IL1RN: variants seen among roughly 807,000 people sequenced by gnomAD.
IL1RN encodes interleukin-1 receptor antagonist protein.
A neutral mutation model predicts 13.7 loss-of-function variants in IL1RN; 10 were observed. That is an observed-to-expected ratio of 0.73 (90% CI 0.45 to 1.24). The LOEUF (loss-of-function observed/expected upper bound fraction) is 1.24. Among genes scored for constraint, IL1RN ranks in the 50% most tolerant of loss-of-function variants. The pLI, the probability that IL1RN is intolerant of heterozygous loss-of-function variation, is 0.00. For missense variants in IL1RN, 213 were observed against 222.1 expected (o/e 0.96, Z 0.26); for synonymous variants, 102 against 82.7 (o/e 1.23, Z -1.27).
chr2:113,130,154 C>T (rs1687109997), intron 2 of IL1RN: 1 of 177,664 alleles, frequency 5.6e-6, no homozygotes, highest in Non-Finnish European at 1.2e-5. Flanking sequence ...TCAGCTTTCC[C>T]TTCAGTGGGA....
chr2:113,099,999 G>T, the IL1RN span, among the ~76,000 whole-genome samples: 1 of 137,214 alleles, frequency 7.3e-6, no homozygotes, highest in African/African-American at 2.6e-5. Flanking sequence ...CTCCCAAAGT[G>T]CTGGGATTAC....
chr2:113,120,784 C>A (rs1242286256), intron 2 of IL1RN, among the ~76,000 whole-genome samples: 2 of 152,160 alleles, frequency 1.3e-5, no homozygotes, highest in Non-Finnish European at 2.9e-5. Context: ...CCAAAAGAAA[C>A]ACCATAAGAA....
At chr2:113,105,127 T>G (rs1285975566), upstream of IL1RN, among the ~76,000 whole-genome samples, 1 of 152,196 alleles carries the variant, frequency 6.6e-6, no homozygotes, top group Non-Finnish European at 1.5e-5. Context: ...TGGATGAGTT[T>G]CTGGCTAGAA....
chr2:113,132,506 C>G lies in IL1RN; in HGVS notation c.319-150C>G, dbSNP rs1280437440. 7.2e-6 allele frequency: 5 copies of G among 694,864 alleles called. No homozygotes were observed. The East Asian group carries it at 1.1e-4, about 15-fold the overall frequency. The allele number at this position is 694,864 out of a possible 1,614,324, so 43.0% of individuals were successfully genotyped here. On this transcript the variant is annotated intron_variant, in intron 3 of 3. Transcript: ENST00000409930. The stretch of plus-strand genomic sequence containing the variant: ...TCCCAGAGTCCCACAGAATGGCAGA[C>G]AGGAGCACCTGGGGGCTTTTAGGGT...
At chr2:113,128,019 C>T (rs1573302569) in intron 1 of IL1RN, among the ~76,000 whole-genome samples, 1 of 152,174 alleles carries the variant, frequency 6.6e-6, no homozygotes, top group Non-Finnish European at 1.5e-5. Flanking sequence ...AGTGGGACTG[C>T]GATTCAGGCC....
Position 113,129,618 on chromosome 2 carries a change from C to T in IL1RN, c.159C>T (p.Asn53=), listed in dbSNP as rs756418307. The T allele has an allele frequency of 2.5e-5, 40 of 1,613,258 alleles. No homozygotes were observed. Among genetic ancestry groups the T allele is most frequent in the Non-Finnish European group, 3.1e-5 (37 of 1,179,286 alleles). The part of the protein sequence containing the change: ...VNQKTFYLRN[N]QLVAGYLQGP... ...AGAAGACCTTCTATCTGAGGAACAACCAACTAGTTGCTGGATACTTGCAAG... is the reference window on the plus strand; with the variant it reads ...AGAAGACCTTCTATCTGAGGAACAATCAACTAGTTGCTGGATACTTGCAAG... The change falls in exon 2 of 4, where the codon AAC becomes AAT. Residue 53 remains asparagine (N), a synonymous_variant. Transcript: ENST00000409930.
chr2:113,117,134 G>C (rs909065694), upstream of IL1RN, among the ~76,000 whole-genome samples: 1 of 152,252 alleles, frequency 6.6e-6, no homozygotes, highest in African/African-American at 2.4e-5. Context: ...CAAAAAGGAG[G>C]AGGGGTGTTC....
chr2:113,128,108 C>T (rs1687031489), intron 1 of IL1RN, among the ~76,000 whole-genome samples: 1 of 152,234 alleles, frequency 6.6e-6, no homozygotes, highest in Non-Finnish European at 1.5e-5. Flanking sequence ...TGGGCAAGGC[C>T]TGTCTGTGCT....
chr2:113,102,972 A>C (rs1478827008), upstream of IL1RN, among the ~76,000 whole-genome samples: 1 of 152,218 alleles, frequency 6.6e-6, no homozygotes, highest in Non-Finnish European at 1.5e-5. Context: ...GCACAGAAGG[A>C]GCTGGGATAG....
At chr2:113,116,490 G>C (rs1340379160), upstream of IL1RN, among the ~76,000 whole-genome samples, 2 of 148,876 alleles carry the variant, frequency 1.3e-5, no homozygotes, top group East Asian at 4.1e-4. Flanking sequence ...GAGCACCCAG[G>C]CGGGGCGGGG....
upstream of IL1RN, among the ~76,000 whole-genome samples, chr2:113,109,708 T>A (rs1212619605): frequency 6.6e-6 from 1 of 150,770 alleles, no homozygotes. Flanking sequence ...CACAACATAG[T>A]GATGAAGCAC....
In IL1RN at chr2:113,132,763, C is replaced by A. The variant is rs761311365; in HGVS notation, c.426C>A (p.Pro142=). The change falls in exon 4 of 4, where the codon CCC becomes CCA. Residue 142 remains proline, a synonymous_variant. Transcript: ENST00000409930. ...PTTSFESAAC[P]GWFLCTAMEA... ...CCAGTTTTGAGTCTGCCGCCTGCCC[C>A]GGTTGGTTCCTCTGCACAGCGATGG... 6.2e-7 allele frequency: 1 copy of A among 1,614,258 alleles called. No homozygotes were observed. Among genetic ancestry groups the A allele is most frequent in the Admixed American group, 1.7e-5 (1 of 60,036 alleles).
At chr2:113,114,691 G>A (rs780656597), upstream of IL1RN, among the ~76,000 whole-genome samples, 1 of 151,984 alleles carries the variant, frequency 6.6e-6, no homozygotes, top group African/African-American at 2.4e-5. Context: ...GAGAGAGAGA[G>A]AGAGAATGAG....
upstream of IL1RN, chr2:113,115,658 G>A (rs536884466): frequency 5.3e-5 from 8 of 152,358 alleles, no homozygotes; most frequent in African/African-American, 7.2e-5. Flanking sequence ...TACTCCCAGC[G>A]TTCTCCATCT....
At chr2:113,103,966 TTTTA>T (rs1686350547), upstream of IL1RN, among the ~76,000 whole-genome samples, 1 of 151,660 alleles carries the variant, frequency 6.6e-6, no homozygotes, top group African/African-American at 2.4e-5. Flanking sequence ...CACCAAGTTA[TTTTA>T]TTTAATTTTT....
At chr2:113,128,472 G>A (rs3181052) in intron 1 of IL1RN, among the ~76,000 whole-genome samples, 25,026 of 151,866 alleles carry the variant, frequency 0.16, 2,664 homozygotes, top group East Asian at 0.58. Context: ...GCTGCAAGTC[G>A]GGCTCTGTGG....
chr2:113,104,777 G>C (rs1223574604), upstream of IL1RN, among the ~76,000 whole-genome samples: 2 of 152,034 alleles, frequency 1.3e-5, no homozygotes, highest in Non-Finnish European at 2.9e-5. Context: ...CCATTATACT[G>C]ATAATGGGAC....
chr2:113,111,768 A>T (rs1364826165), intron 1 of IL1RN, among the ~76,000 whole-genome samples: 1 of 152,386 alleles, frequency 6.6e-6, no homozygotes, highest in Non-Finnish European at 1.5e-5. Context: ...GCCTCACATG[A>T]TAACCTCTAT....
chr2:113,103,716 T>C (rs953590155), upstream of IL1RN, among the ~76,000 whole-genome samples: 2 of 152,036 alleles, frequency 1.3e-5, no homozygotes, highest in African/African-American at 2.4e-5. Flanking sequence ...ACAAGAAGGG[T>C]TGTGTTATCA....
Sources: gnomAD v4.1 joint callset for allele counts (sites outside exome capture counted in the v4.1 genomes callset) on GRCh38, gnomAD v4.1.1 for gene constraint, MANE v1.5 for transcripts, NCBI Gene and HGNC (gene_info 2026-07-23, HGNC 2026-07-21) for gene names.